Variants in RFT1 observed in about 807,000 individuals in gnomAD.
The protein encoded by RFT1 is man(5)GlcNAc(2)-PP-dolichol translocation protein RFT1.
A neutral mutation model predicts 62.2 loss-of-function variants in RFT1; 43 were observed. The ratio of observed to expected loss-of-function variants is 0.69; its 90% CI spans 0.54 to 0.89. The LOEUF is 0.89. Among genes scored for constraint, RFT1 ranks in the 40% least tolerant of loss-of-function variants. The probability of loss-of-function intolerance (pLI) is 0.00; values close to 1 mark genes in which losing one functional copy is unlikely to be tolerated. For missense variants in RFT1, 605 were observed against 649.9 expected (o/e 0.93, Z 0.75); for synonymous variants, 262 against 264.6 (o/e 0.99, Z 0.10).
chr3:53,103,841 T>C, intron 10 of RFT1, 112 bp downstream of exon 10: 1 of 1,370,794 alleles, frequency 7.3e-7, no homozygotes, highest in Non-Finnish European at 1.0e-6. Flanking sequence ...ACCAGACAGT[T>C]TTCCCTACAC....
At chr3:53,076,607 T>G in the RFT1 span, among the ~76,000 whole-genome samples, 1 of 151,950 alleles carries the variant, frequency 6.6e-6, no homozygotes, top group Non-Finnish European at 1.5e-5. Context: ...GGGGAGGAAA[T>G]GTATGGAGAG....
intron 10 of RFT1, chr3:53,103,747 G>T: frequency 1.6e-6 from 1 of 625,788 alleles, no homozygotes; most frequent in Non-Finnish European, 2.9e-6. Context: ...TGGGGAAGCT[G>T]ATTGTCCTGG....
chr3:53,078,922 G>T, the RFT1 span, among the ~76,000 whole-genome samples: 1 of 152,204 alleles, frequency 6.6e-6, no homozygotes, highest in African/African-American at 2.4e-5. Flanking sequence ...GCAAGAGTGA[G>T]CAGGGATTAT....
chr3:53,123,958 G>A, intron 2 of RFT1, 118 bp from the exon 3 acceptor site: 1 of 767,296 alleles, frequency 1.3e-6, no homozygotes, highest in Admixed American at 2.0e-5. Context: ...TGGTGGTGAT[G>A]TGGAAGGCAG....
intron 6 of RFT1, among the ~76,000 whole-genome samples, chr3:53,114,216 C>T (rs1701731490): frequency 6.6e-6 from 1 of 152,164 alleles, no homozygotes; most frequent in South Asian, 2.1e-4. Flanking sequence ...CTGTGGTGGT[C>T]CTCCCAGGGG....
rs1436770996 is a variant in RFT1 at position 53,117,900 on chromosome 3, G to T, written c.696+1984C>A. On this transcript the variant is annotated intron_variant, in intron 6 of 12. Transcript: ENST00000296292. Reference sequence around the variant, plus strand: ...GCCCATCACAGGTTTTATTTATTTAGTTATTTATTTGAGACAGGGTCTCAC... The same window carrying T: ...GCCCATCACAGGTTTTATTTATTTATTTATTTATTTGAGACAGGGTCTCAC... Among the ~76,000 whole-genome samples the T allele has an allele frequency of 5.3e-5, 8 of 152,096 alleles. No individual in the cohort carries two copies. In the East Asian group the frequency reaches 1.5e-3, roughly 29 times the overall value.
chr3:53,073,135 C>T, the RFT1 span, among the ~76,000 whole-genome samples: 1 of 152,226 alleles, frequency 6.6e-6, no homozygotes, highest in Non-Finnish European at 1.5e-5. Context: ...TGACGGTGTC[C>T]AGGTCGAGGG....
chr3:53,080,719 C>T, the RFT1 span, among the ~76,000 whole-genome samples: 1 of 152,234 alleles, frequency 6.6e-6, no homozygotes, highest in East Asian at 1.9e-4. Flanking sequence ...TTACTACACC[C>T]TATGAGGCAA....
intron 6 of RFT1, among the ~76,000 whole-genome samples, chr3:53,115,927 G>C (rs989538799): frequency 2.6e-5 from 4 of 152,246 alleles, no homozygotes; most frequent in Non-Finnish European, 5.9e-5. Flanking sequence ...ACCTGGTACA[G>C]TGCCTAACAT....
At chr3:53,129,685 T>C (rs533575200) in intron 1 of RFT1, among the ~76,000 whole-genome samples, 14 of 152,270 alleles carry the variant, frequency 9.2e-5, no homozygotes, top group African/African-American at 3.4e-4. Flanking sequence ...AGAAGGGAAG[T>C]GACTTGTCCA....
At chr3:53,123,967 A>G in intron 2 of RFT1, 127 bp from the exon 3 acceptor site, 1 of 749,640 alleles carries the variant, frequency 1.3e-6, no homozygotes, top group Non-Finnish European at 2.3e-6. Flanking sequence ...TGTGGAAGGC[A>G]GTGGGCTCTT....
intron 6 of RFT1, among the ~76,000 whole-genome samples, chr3:53,114,629 G>A (rs910689335): frequency 1.7e-4 from 26 of 152,166 alleles, no homozygotes; most frequent in East Asian, 1.2e-3. Context: ...CACTTGGGGC[G>A]GTCAAAAGAG....
chr3:53,128,946 C>T (rs1158058564), intron 1 of RFT1, among the ~76,000 whole-genome samples: 1 of 152,196 alleles, frequency 6.6e-6, no homozygotes, highest in East Asian at 1.9e-4. Flanking sequence ...GTAAATGACC[C>T]AGCTTGACCT....
At position 53,091,551 on chromosome 3, in the gene RFT1, C is replaced by A; in HGVS notation, c.*352G>T. On this transcript the variant is annotated 3_prime_UTR_variant, in exon 13 of 13. Coordinates refer to ENST00000296292, the MANE Select transcript of RFT1 (RefSeq NM_052859.4). ...TTTTTCTGGGCCAGATAATTATTAA[C>A]AGTTAACAATTAAGATATAGTTTGT... is the stretch of plus-strand genomic sequence containing the variant. 3.4e-6 allele frequency: 1 copy of A among 291,990 alleles called. No individual in the cohort carries two copies. Among genetic ancestry groups the A allele is most frequent in the Non-Finnish European group, 6.8e-6 (1 of 148,056 alleles). 18.1% of individuals were successfully genotyped at this position (291,990 alleles called of 1,614,324 possible).
intron 5 of RFT1, 24 bp from the exon 6 acceptor site, chr3:53,120,045 T>G: frequency 6.3e-7 from 1 of 1,580,750 alleles, no homozygotes; most frequent in Non-Finnish European, 8.6e-7. Context: ...TAAACTGTTT[T>G]AATAAAGGCA....
downstream of RFT1, among the ~76,000 whole-genome samples, chr3:53,084,834 G>A (rs539811322): frequency 1.3e-5 from 2 of 152,320 alleles, no homozygotes; most frequent in South Asian, 4.1e-4. Flanking sequence ...CAGGGAAATG[G>A]TCTAGAAGAT....
At chr3:53,106,695 C>A (rs749926978) in intron 8 of RFT1, 124 bp downstream of exon 8, 42 of 802,910 alleles carry the variant, frequency 5.2e-5, no homozygotes, top group Non-Finnish European at 8.3e-5. Flanking sequence ...CTACAATTTA[C>A]AATCTTCAGG....
chr3:53,103,378 T>A, intron 10 of RFT1: 2 of 524,304 alleles, frequency 3.8e-6, no homozygotes, highest in South Asian at 8.2e-5. Flanking sequence ...ACCTAACAAG[T>A]GCTGTGAGAT....
chr3:53,083,264 C>G, the RFT1 span, among the ~76,000 whole-genome samples: 2 of 145,486 alleles, frequency 1.4e-5, no homozygotes, highest in Non-Finnish European at 1.5e-5. Context: ...GTAATCCCAG[C>G]ACTTTGGGAG....
Sources: allele counts gnomAD v4.1 joint callset (sites outside exome capture counted in the v4.1 genomes callset), GRCh38; gene constraint gnomAD v4.1.1; transcripts MANE v1.5; gene names NCBI Gene and HGNC (gene_info 2026-07-23, HGNC 2026-07-21).